The following LNPK variants were observed in gnomAD, a reference collection of about 807,000 sequenced individuals.
LNPK encodes the protein endoplasmic reticulum junction formation protein lunapark.
Under a neutral mutation model 55.2 loss-of-function variants are expected in LNPK, and 29 were observed. That is an observed-to-expected ratio of 0.53 (90% CI 0.39 to 0.72). The LOEUF (loss-of-function observed/expected upper bound fraction) is 0.72, where lower values mean the gene tolerates loss of function less well. LNPK is among the 30% of genes least tolerant of loss of function. The pLI is 0.00. For missense variants in LNPK, 467 were observed against 494.8 expected, an observed-to-expected ratio of 0.94 and a Z score of 0.53; for synonymous variants, 162 against 168.2, an observed-to-expected ratio of 0.96 and a Z score of 0.29.
intron 10 of LNPK, among the ~76,000 whole-genome samples, chr2:175,939,330 T>C (rs1322451053): frequency 1.3e-5 from 2 of 152,200 alleles, no homozygotes; most frequent in Non-Finnish European, 2.9e-5. Flanking sequence ...CTAAAAGTTA[T>C]AGCAGAGTTA....
intron 10 of LNPK, among the ~76,000 whole-genome samples, chr2:175,939,041 G>A (rs916600325): frequency 4.6e-5 from 7 of 151,694 alleles, no homozygotes; most frequent in Admixed American, 2.6e-4. Flanking sequence ...TATTAATTAG[G>A]AGCGCTGTCA....
intron 1 of LNPK, 65 bp downstream of exon 1, chr2:176,002,095 G>A (rs1329923932): frequency 2.9e-6 from 1 of 345,398 alleles, no homozygotes; most frequent in Non-Finnish European, 5.7e-6. Flanking sequence ...ATTTCCCAGG[G>A]GCACAGCTCA....
At chr2:175,941,807 A>AG (rs1684858101) in intron 9 of LNPK, among the ~76,000 whole-genome samples, 1 of 144,480 alleles carries the variant, frequency 6.9e-6, no homozygotes, top group Non-Finnish European at 1.5e-5. Context: ...AAAAAAAAAA[A>AG]GAAAAAGAAA....
rs774899431 is a variant in LNPK, at chr2:175,928,186, C to G, written c.*1781G>C. On this transcript the variant is annotated 3_prime_UTR_variant, in exon 13 of 13. Transcript: ENST00000272748. ...AAAACATTGGCTTGAATCTGAGAAG[C>G]TGAATTACATGTTCGTATTATTTTT... 1.3e-5 allele frequency: 2 copies of G among 152,008 alleles called. No individual in the cohort carries two copies. Among genetic ancestry groups the G allele is most frequent in the Non-Finnish European group, 2.9e-5 (2 of 68,004 alleles). The allele number at this position is 152,008 out of a possible 1,614,324, so 9.4% of individuals were successfully genotyped here.
In LNPK at chr2:175,925,665, C is replaced by CTT. The variant is rs767330282; in HGVS notation, c.*4300_*4301dup. 261 of 145,514 alleles carry CTT rather than the reference C, an allele frequency of 1.8e-3. 3 individuals are homozygous for CTT. Among genetic ancestry groups the CTT allele is most frequent in the Non-Finnish European group, 2.3e-3 (158 of 67,768 alleles). The allele number at this position is 145,514 out of a possible 1,614,324, so 9.0% of individuals were successfully genotyped here. On this transcript the variant is annotated 3_prime_UTR_variant, in exon 13 of 13. Transcript: ENST00000272748. ...ATGGCGTGGCAGATTCATTTTCTTT[C>CTT]TTTCTTTTTTTTTTTTGAGATGGAG...
At chr2:175,979,290 T>G (rs1687057239) in intron 5 of LNPK, among the ~76,000 whole-genome samples, 1 of 152,094 alleles carries the variant, frequency 6.6e-6, no homozygotes, top group Non-Finnish European at 1.5e-5. Context: ...CGGGCACCAT[T>G]GCTCACGCCT....
At chr2:175,937,565 A>C in intron 11 of LNPK, 51 bp from the exon 12 acceptor site, 1 of 1,358,504 alleles carries the variant, frequency 7.4e-7, no homozygotes, top group Non-Finnish European at 1.0e-6. Context: ...AGCAAAGTTC[A>C]AGAACTAATT....
chr2:175,964,761 T>C (rs1255421007), intron 6 of LNPK, among the ~76,000 whole-genome samples, 172 bp from the exon 7 acceptor site: 1 of 152,190 alleles, frequency 6.6e-6, no homozygotes, highest in Non-Finnish European at 1.5e-5. Flanking sequence ...ACCTCTAATA[T>C]GTTACTTGTA....
chr2:175,975,766 T>C (rs1686880523), intron 5 of LNPK, among the ~76,000 whole-genome samples: 1 of 152,148 alleles, frequency 6.6e-6, no homozygotes, highest in African/African-American at 2.4e-5. Context: ...ATCCCAGCAC[T>C]TTGGGAGGCT....
At chr2:175,999,731 G>A (rs1322658172) in intron 1 of LNPK, among the ~76,000 whole-genome samples, 1 of 152,144 alleles carries the variant, frequency 6.6e-6, no homozygotes, top group Non-Finnish European at 1.5e-5. Context: ...AACAGGACCT[G>A]TCATGACCTT....
chr2:175,929,550 T>C lies in LNPK; in HGVS notation c.*417A>G, dbSNP rs1684162948. 6 of 993,348 alleles carry C rather than the reference T, an allele frequency of 6.0e-6. No individual in the cohort carries two copies. In the South Asian group the frequency reaches 2.3e-4, roughly 38 times the overall value. The allele number at this position is 993,348 out of a possible 1,614,324, so 61.5% of individuals were successfully genotyped here. A position where few individuals can be genotyped will look rare whatever the true frequency, so the allele number is the denominator to read the frequency against. ...CTAAAATTCTATCAATTTTTAATAA[T>C]GAAGTAGTCAAAATCTTAACCAAGT... On this transcript the variant is annotated 3_prime_UTR_variant, in exon 13 of 13. Transcript: ENST00000272748.
chr2:175,962,963 A>G (rs1412379427), intron 8 of LNPK, among the ~76,000 whole-genome samples: 2 of 149,094 alleles, frequency 1.3e-5, no homozygotes, highest in Non-Finnish European at 3.0e-5. Context: ...AATGCTCATC[A>G]TCACTGGCCA....
At chr2:175,993,810 A>T (rs993195916) in intron 2 of LNPK, among the ~76,000 whole-genome samples, 14 of 152,128 alleles carry the variant, frequency 9.2e-5, no homozygotes, top group African/African-American at 3.4e-4. Flanking sequence ...AAATTAAATT[A>T]AATTAAAAAA....
intron 12 of LNPK, chr2:175,932,103 A>C (rs1684305935): frequency 4.5e-6 from 2 of 448,420 alleles, no homozygotes; most frequent in Non-Finnish European, 9.0e-6. Flanking sequence ...AACATGTTTA[A>C]GTGAAAACAG....
chr2:175,965,954 T>C (rs933206281), intron 6 of LNPK, among the ~76,000 whole-genome samples: 1 of 152,234 alleles, frequency 6.6e-6, no homozygotes, highest in African/African-American at 2.4e-5. Context: ...TAAAACTTTA[T>C]GTAATGATGA....
chr2:175,979,835 G>A lies in LNPK; in HGVS notation c.291C>T (p.Phe97=). The A allele has an allele frequency of 6.3e-7, 1 of 1,580,810 alleles. No homozygotes were observed. The highest frequency in any genetic ancestry group is 1.2e-5 in the South Asian group (1 of 84,068). ...IWSIRTVIIF[F]FSKRTERNNE... Reference sequence around the variant, plus strand: ...TATTTCTTTCTGTTCTCTTGGAAAAGAAGAAAATAATTACTGTTCTTATGC... The same window carrying A: ...TATTTCTTTCTGTTCTCTTGGAAAAAAAGAAAATAATTACTGTTCTTATGC... Residue 97 remains phenylalanine, a synonymous_variant, in exon 5 of 13, where the codon TTC becomes TTT. Transcript: ENST00000272748.
chr2:175,988,293 A>G (rs1170930561), intron 4 of LNPK, among the ~76,000 whole-genome samples: 1 of 151,942 alleles, frequency 6.6e-6, no homozygotes, highest in African/African-American at 2.4e-5. Context: ...CTTGAGGCCA[A>G]GAGTTTGAGA....
Position 175,925,282 on chromosome 2 carries a change from C to T in LNPK, c.*4685G>A, listed in dbSNP as rs1240253845. On this transcript the variant is annotated 3_prime_UTR_variant, in exon 13 of 13. Transcript: ENST00000272748. Reference sequence around the variant, plus strand: ...GCAACTTCAAGAATAAAAGGCCTAGCTTAACAAGAAGTAGCAAAATTTCCA... The same window carrying T: ...GCAACTTCAAGAATAAAAGGCCTAGTTTAACAAGAAGTAGCAAAATTTCCA... 3.3e-5 allele frequency: 5 copies of T among 152,092 alleles called. No homozygotes were observed. The highest frequency in any genetic ancestry group is 4.8e-5 in the African/African-American group (2 of 41,408). 9.4% of individuals were successfully genotyped at this position (152,092 alleles called of 1,614,324 possible).
chr2:175,977,838 G>C (rs1389113876), intron 5 of LNPK, among the ~76,000 whole-genome samples: 1 of 152,190 alleles, frequency 6.6e-6, no homozygotes, highest in Non-Finnish European at 1.5e-5. Context: ...AGGGTTAGGA[G>C]AGGTTTTTTC....
Sources: gnomAD v4.1 joint callset for allele counts (sites outside exome capture counted in the v4.1 genomes callset) on GRCh38, gnomAD v4.1.1 for gene constraint, MANE v1.5 for transcripts, NCBI Gene and HGNC (gene_info 2026-07-23, HGNC 2026-07-21) for gene names.